ARHGAP24: variants seen among roughly 807,000 people sequenced by gnomAD.
ARHGAP24 encodes the protein Rho GTPase activating protein 24, also known as rho GTPase-activating protein 24.
A neutral mutation model predicts 76.4 loss-of-function variants in ARHGAP24; 50 were observed. The ratio of observed to expected loss-of-function variants is 0.65; its 90% CI spans 0.52 to 0.83. The LOEUF is 0.83. ARHGAP24 is among the 40% of genes least tolerant of loss of function. ARHGAP24 has a pLI of 0.00. For synonymous variants in ARHGAP24, 345 were observed against 323.3 expected (o/e 1.07, Z -0.72); for missense variants, 930 against 914.2 (o/e 1.02, Z -0.22).
intron 2 of ARHGAP24, among the ~76,000 whole-genome samples, chr4:85,625,730 A>G (rs1176004670): frequency 1.3e-5 from 2 of 152,136 alleles, no homozygotes; most frequent in Admixed American, 6.5e-5. Flanking sequence ...GTCACTAAGG[A>G]CTTGCTTTAT....
chr4:85,556,793 C>A (rs1033818871), intron 1 of ARHGAP24, among the ~76,000 whole-genome samples: 3 of 152,178 alleles, frequency 2.0e-5, no homozygotes, highest in Non-Finnish European at 2.9e-5. Context: ...AGCCTGAGGG[C>A]AATAGGAGCA....
chr4:85,518,403 T>C (rs1309515795), intron 1 of ARHGAP24, among the ~76,000 whole-genome samples: 1 of 152,088 alleles, frequency 6.6e-6, no homozygotes, highest in African/African-American at 2.4e-5. Context: ...GGGGTACAGG[T>C]AGCATTTGGT....
intron 1 of ARHGAP24, among the ~76,000 whole-genome samples, chr4:85,490,922 C>G (rs1321908404): frequency 6.6e-6 from 1 of 152,150 alleles, no homozygotes; most frequent in Non-Finnish European, 1.5e-5. Flanking sequence ...TCAGATTTTT[C>G]TCATCTTCAT....
chr4:85,512,826 G>A (rs1046306330), intron 1 of ARHGAP24, among the ~76,000 whole-genome samples: 1 of 152,210 alleles, frequency 6.6e-6, no homozygotes, highest in African/African-American at 2.4e-5. Context: ...GGCAGAGAAA[G>A]GTTAAATTAT....
At chr4:85,665,941 C>T (rs1404272477) in intron 2 of ARHGAP24, among the ~76,000 whole-genome samples, 1 of 152,150 alleles carries the variant, frequency 6.6e-6, no homozygotes, top group East Asian at 1.9e-4. Flanking sequence ...CTCTGGCTGC[C>T]CTTAACATTT....
At chr4:85,655,818 A>AGAGAGAGAGAAAGAGAG (rs1237643654) in intron 2 of ARHGAP24, among the ~76,000 whole-genome samples, 11 of 35,480 alleles carry the variant, frequency 3.1e-4, no homozygotes, top group Non-Finnish European at 4.1e-4. Flanking sequence ...GAGAGAGAGA[A>AGAGAGAGAGAAAGAGAG]AGAGAGAGAG....
chr4:85,943,982 G>A (rs183441770), intron 5 of ARHGAP24, among the ~76,000 whole-genome samples: 192 of 152,092 alleles, frequency 1.3e-3, no homozygotes, highest in African/African-American at 4.5e-3. Flanking sequence ...CCCAGTAATG[G>A]GATTGCTGGG....
intron 5 of ARHGAP24, among the ~76,000 whole-genome samples, chr4:85,963,756 G>GT (rs1738400219): frequency 1.3e-5 from 2 of 152,016 alleles, no homozygotes; most frequent in African/African-American, 2.4e-5. Flanking sequence ...TAAAATAAGT[G>GT]TTTTTTGTGG....
intron 2 of ARHGAP24, among the ~76,000 whole-genome samples, chr4:85,617,000 T>A (rs962851194): frequency 9.3e-5 from 14 of 150,966 alleles, no homozygotes; most frequent in African/African-American, 3.2e-4. Context: ...TTTATTTGCA[T>A]AACCAAAGTA....
At chr4:85,518,265 A>C (rs146267803) in intron 1 of ARHGAP24, among the ~76,000 whole-genome samples, 4 of 152,312 alleles carry the variant, frequency 2.6e-5, no homozygotes, top group African/African-American at 9.6e-5. Flanking sequence ...TCTTTAGCTA[A>C]CTAGGAAAAT....
At chr4:85,706,561 T>C (rs1448628681) in intron 2 of ARHGAP24, among the ~76,000 whole-genome samples, 7 of 146,874 alleles carry the variant, frequency 4.8e-5, no homozygotes. Context: ...GTTGTTTTTG[T>C]TTTTTTTTTT....
intron 9 of ARHGAP24, among the ~76,000 whole-genome samples, chr4:85,998,455 T>C (rs1255109097): frequency 6.6e-6 from 1 of 152,184 alleles, no homozygotes; most frequent in East Asian, 1.9e-4. Context: ...TTTCAAACTT[T>C]GTTTGATGAT....
intron 2 of ARHGAP24, among the ~76,000 whole-genome samples, chr4:85,590,642 G>C (rs1728056109): frequency 6.6e-6 from 1 of 152,060 alleles, no homozygotes; most frequent in African/African-American, 2.4e-5. Context: ...TTGCAGGTGT[G>C]AGCCACCACA....
At chr4:85,586,865 T>A (rs1727884804) in intron 2 of ARHGAP24, among the ~76,000 whole-genome samples, 1 of 152,030 alleles carries the variant, frequency 6.6e-6, no homozygotes, top group South Asian at 2.1e-4. Context: ...TCCACTGCAC[T>A]CCAGCCTGGG....
intron 2 of ARHGAP24, among the ~76,000 whole-genome samples, chr4:85,714,673 T>G (rs1168896971): frequency 6.6e-6 from 1 of 152,130 alleles, no homozygotes; most frequent in Non-Finnish European, 1.5e-5. Flanking sequence ...ATAAGGAAAT[T>G]TATAACAATG....
chr4:85,523,372 T>C (rs1362024603), intron 1 of ARHGAP24, among the ~76,000 whole-genome samples: 2 of 152,156 alleles, frequency 1.3e-5, no homozygotes, highest in Non-Finnish European at 2.9e-5. Flanking sequence ...CAAACATCTA[T>C]GACTCAGAGC....
intron 3 of ARHGAP24, among the ~76,000 whole-genome samples, chr4:85,756,345 A>G (rs1726494432): frequency 6.6e-6 from 1 of 152,220 alleles, no homozygotes; most frequent in Non-Finnish European, 1.5e-5. Context: ...AATTTACCTT[A>G]TAAAAATCAG....
chr4:85,738,367 T>TCTATTA (rs375728213), intron 3 of ARHGAP24, among the ~76,000 whole-genome samples: 11 of 144,096 alleles, frequency 7.6e-5, no homozygotes, highest in African/African-American at 2.8e-4. Flanking sequence ...CATTTGGGCT[T>TCTATTA]TTATTATTAT....
chr4:85,960,546 A>T (rs1738184900), intron 5 of ARHGAP24, among the ~76,000 whole-genome samples: 1 of 152,172 alleles, frequency 6.6e-6, no homozygotes, highest in Non-Finnish European at 1.5e-5. Flanking sequence ...AATGCCTAGA[A>T]TAATGTCTGA....
Sources: gnomAD v4.1 joint callset for allele counts (sites outside exome capture counted in the v4.1 genomes callset) on GRCh38, gnomAD v4.1.1 for gene constraint, MANE v1.5 for transcripts, NCBI Gene and HGNC (gene_info 2026-07-23, HGNC 2026-07-21) for gene names.